The following TNFRSF8 variants were observed in gnomAD, a reference collection of about 807,000 sequenced individuals.
TNFRSF8 encodes tumor necrosis factor receptor superfamily member 8.
A neutral mutation model predicts 70.8 loss-of-function variants in TNFRSF8; 26 were observed. That is an observed-to-expected ratio of 0.37 (90% CI 0.27 to 0.51). TNFRSF8 has a LOEUF of 0.51. Among genes scored for constraint, TNFRSF8 ranks in the 20% least tolerant of loss-of-function variants. TNFRSF8 has a pLI of 0.94. For synonymous variants in TNFRSF8, 356 were observed against 339.2 expected, an observed-to-expected ratio of 1.05 and a Z score of -0.54; for missense variants, 720 against 807.9, an observed-to-expected ratio of 0.89 and a Z score of 1.32.
Position 12,142,360 on chromosome 1 carries a change from C to T in TNFRSF8, c.1617C>T (p.Gly539=). ...TVKAELPEGR[G]LAGPAEPELE... is the part of the protein sequence containing the mutation. ...AGGCTGAGCTGCCGGAGGGCCGGGG[C>T]CTGGCGGGGCCAGCAGAGCCCGAGT... Residue 539 remains glycine (G), a synonymous_variant, in exon 15 of 15, where the codon GGC becomes GGT. Coordinates refer to ENST00000263932, the MANE Select transcript of TNFRSF8 (RefSeq NM_001243.5). This position sits in a 1 kb window ranked among gnomAD's most constrained non-coding sequence, Gnocchi z 5.0. The T allele has an allele frequency of 1.2e-6, 2 of 1,608,910 alleles. No individual in the cohort carries two copies. The highest frequency in any genetic ancestry group is 1.7e-6 in the Non-Finnish European group (2 of 1,177,948).
intron 1 of TNFRSF8, chr1:12,080,677 C>T (rs1641048990): frequency 4.2e-6 from 1 of 239,666 alleles, no homozygotes; most frequent in Admixed American, 5.0e-5. Context: ...CATGCCTCAG[C>T]CTCCTGAGTA....
chr1:12,089,562 G>C (rs1641211345), intron 2 of TNFRSF8, among the ~76,000 whole-genome samples: 1 of 152,168 alleles, frequency 6.6e-6, no homozygotes, highest in Admixed American at 6.5e-5. Flanking sequence ...GAAATGGAAG[G>C]CAGTAGAAGG....
At chr1:12,066,656 AT>A (rs60948050) in intron 1 of TNFRSF8, among the ~76,000 whole-genome samples, 26 of 144,264 alleles carry the variant, frequency 1.8e-4, no homozygotes, top group African/African-American at 6.2e-4. Context: ...CCCGGCCTAA[AT>A]TTTTTTTTAT....
At chr1:12,129,132 C>T (rs1641999402) in intron 12 of TNFRSF8, among the ~76,000 whole-genome samples, 1 of 152,162 alleles carries the variant, frequency 6.6e-6, no homozygotes, top group Non-Finnish European at 1.5e-5. Context: ...CATGCCTGGC[C>T]TTAAAATTCT....
intron 3 of TNFRSF8, among the ~76,000 whole-genome samples, 159 bp from the exon 4 acceptor site, chr1:12,104,220 T>A (rs547312502): frequency 6.6e-5 from 10 of 152,330 alleles, no homozygotes; most frequent in African/African-American, 2.4e-4. Flanking sequence ...GGTACATTAA[T>A]TTAATTTTTA....
chr1:12,137,287 A>ATT (rs1642163505), intron 13 of TNFRSF8, among the ~76,000 whole-genome samples: 2 of 150,710 alleles, frequency 1.3e-5, no homozygotes, highest in Admixed American at 1.4e-4. Flanking sequence ...TTATTTGTAC[A>ATT]TAAAATAAAA....
intron 1 of TNFRSF8, among the ~76,000 whole-genome samples, chr1:12,079,386 C>A (rs1372329322): frequency 1.3e-5 from 2 of 152,120 alleles, no homozygotes; most frequent in African/African-American, 2.4e-5. Flanking sequence ...CCCTCCAGTC[C>A]TTGGGCTTCC....
chr1:12,136,870 CTT>C (rs201470263), intron 13 of TNFRSF8, among the ~76,000 whole-genome samples: 5,786 of 118,030 alleles, frequency 0.049, 76 homozygotes, highest in African/African-American at 0.064. Flanking sequence ...ATACTCAGTT[CTT>C]TTTTTTTTTT....
At chr1:12,076,784 T>C (rs1378318169) in intron 1 of TNFRSF8, among the ~76,000 whole-genome samples, 2 of 152,152 alleles carry the variant, frequency 1.3e-5, no homozygotes, top group Non-Finnish European at 2.9e-5. Flanking sequence ...GGTAGTCTCT[T>C]GGTCTGGAGC....
chr1:12,136,870 C>CTTTTTTTTTTTTTTTTTT (rs201470263), intron 13 of TNFRSF8, among the ~76,000 whole-genome samples: 2 of 118,696 alleles, frequency 1.7e-5, no homozygotes, highest in African/African-American at 3.1e-5. Context: ...ATACTCAGTT[C>CTTTTTTTTTTTTTTTTTT]TTTTTTTTTT....
chr1:12,119,159 C>T lies in TNFRSF8; in HGVS notation c.946+3430C>T, dbSNP rs934341401. 2.6e-5 allele frequency among the ~76,000 whole-genome samples: 4 copies of T among 152,236 alleles called. No individual in the cohort carries two copies. The highest frequency in any genetic ancestry group is 4.8e-5 in the African/African-American group (2 of 41,458). Reference sequence around the variant, plus strand: ...GATTACCGGCGTGAGCCACTGCGCCCGGCCATTTGTTTCTTCTTGCTCCTG... The same window carrying T: ...GATTACCGGCGTGAGCCACTGCGCCTGGCCATTTGTTTCTTCTTGCTCCTG... On this transcript the variant is annotated intron_variant, in intron 8 of 14. Transcript: ENST00000263932. The surrounding 1 kb of genome is among the most constrained non-coding windows in gnomAD (Gnocchi z 4.4).
At chr1:12,073,592 C>CTTTTT (rs796643706) in intron 1 of TNFRSF8, among the ~76,000 whole-genome samples, 1 of 121,302 alleles carries the variant, frequency 8.2e-6, no homozygotes, top group East Asian at 2.4e-4. Context: ...TTTTCTTTTT[C>CTTTTT]TTTTTTTTTT....
intron 1 of TNFRSF8, among the ~76,000 whole-genome samples, chr1:12,071,235 T>G (rs111351445): frequency 0.038 from 5,844 of 152,212 alleles, 357 homozygotes; most frequent in African/African-American, 0.13. Flanking sequence ...GGCCAGGAGT[T>G]TGAGACCAGC....
At chr1:12,076,383 A>T (rs1640968089) in intron 1 of TNFRSF8, among the ~76,000 whole-genome samples, 1 of 152,112 alleles carries the variant, frequency 6.6e-6, no homozygotes, top group South Asian at 2.1e-4. Context: ...TACAAGCGTG[A>T]GCTACCGTGC....
chr1:12,105,453 C>G (rs941488511), intron 4 of TNFRSF8, among the ~76,000 whole-genome samples: 42 of 151,964 alleles, frequency 2.8e-4, no homozygotes, highest in African/African-American at 9.9e-4. Context: ...CTTCTCACCC[C>G]GAATACCTTC....
intron 1 of TNFRSF8, among the ~76,000 whole-genome samples, chr1:12,073,426 A>ATC (rs1275142889): frequency 6.8e-6 from 1 of 147,666 alleles, no homozygotes. Context: ...CACTATATCC[A>ATC]TCTCTCTCTC....
At chr1:12,066,849 C>T (rs1264802055) in intron 1 of TNFRSF8, among the ~76,000 whole-genome samples, 5 of 151,508 alleles carry the variant, frequency 3.3e-5, no homozygotes, top group Non-Finnish European at 5.9e-5. Context: ...GATGGGGTTT[C>T]GTCATGTTGG....
chr1:12,110,542 C>T lies in TNFRSF8; in HGVS notation c.676+338C>T, dbSNP rs1490696850. The stretch of plus-strand genomic sequence containing the variant: ...GCGACTCAGCTGGCCAGCCTCTGCA[C>T]GTGTCCATCTGATGCCCTCCTGGTC... On this transcript the variant is annotated intron_variant, in intron 6 of 14. Coordinates refer to ENST00000263932, the MANE Select transcript of TNFRSF8 (RefSeq NM_001243.5). The surrounding 1 kb of genome is among the most constrained non-coding windows in gnomAD (Gnocchi z 4.0). Among the ~76,000 whole-genome samples the T allele has an allele frequency of 6.6e-6, 1 of 152,204 alleles. No homozygotes were observed. The highest frequency in any genetic ancestry group is 1.5e-5 in the Non-Finnish European group (1 of 68,036).
chr1:12,135,552 A>G (rs1557606251), intron 12 of TNFRSF8, 36 bp from the exon 13 acceptor site: 1 of 1,613,302 alleles, frequency 6.2e-7, no homozygotes, highest in Non-Finnish European at 8.5e-7. Flanking sequence ...GGGCTGCCAG[A>G]CTCCTTGGTG....
Sources: allele counts gnomAD v4.1 joint callset (sites outside exome capture counted in the v4.1 genomes callset), GRCh38; gene constraint gnomAD v4.1.1; non-coding constraint Gnocchi (gnomAD v3.1); transcripts MANE v1.5; gene names NCBI Gene and HGNC (gene_info 2026-07-23, HGNC 2026-07-21).